Variants in AGO3 observed in about 807,000 individuals in gnomAD.
The protein encoded by AGO3 is argonaute RISC catalytic component 3, also known as protein argonaute-3.
Under a neutral mutation model 105.5 loss-of-function variants are expected in AGO3, and 16 were observed. That is an observed-to-expected ratio of 0.15 (90% confidence interval 0.10 to 0.23). AGO3 has a LOEUF of 0.23. Ranked by LOEUF, AGO3 falls within the 10% of genes least tolerant of loss-of-function variation. The pLI is 1.00. For synonymous variants in AGO3, 340 were observed against 367.3 expected, an observed-to-expected ratio of 0.93 and a Z score of 0.85; for missense variants, 534 against 1,088.0, an observed-to-expected ratio of 0.49 and a Z score of 7.16.
chr1:36,035,882 A>G, intron 13 of AGO3, among the ~76,000 whole-genome samples: 1 of 151,508 alleles, frequency 6.6e-6, no homozygotes, highest in East Asian at 1.9e-4. Flanking sequence ...AAATACAAAA[A>G]ATTAGCCGGG....
In AGO3 at chr1:36,064,812, G is replaced by A. The variant is rs1178942368; in HGVS notation, c.*9067G>A. On this transcript the variant is annotated 3_prime_UTR_variant, in exon 19 of 19. Transcript: ENST00000373191. ...GCCCCGCACACATCAAGTACTAATTGTATACAGATAGTACAGATTTGTACT... is the reference window on the plus strand; with the variant it reads ...GCCCCGCACACATCAAGTACTAATTATATACAGATAGTACAGATTTGTACT... The A allele has an allele frequency of 6.6e-6, 1 of 152,118 alleles. No individual in the cohort carries two copies. The highest frequency in any genetic ancestry group is 1.5e-5 in the Non-Finnish European group (1 of 68,034). 9.4% of individuals were successfully genotyped at this position (152,118 alleles called of 1,614,324 possible).
intron 11 of AGO3, among the ~76,000 whole-genome samples, chr1:36,025,980 G>A: frequency 6.6e-6 from 1 of 152,032 alleles, no homozygotes; most frequent in East Asian, 1.9e-4. Flanking sequence ...TGAGGCTGCA[G>A]GAGTGAGTTG....
Position 35,931,197 on chromosome 1 carries a change from C to T in AGO3, c.-230C>T, listed in dbSNP as rs1014794033. The T allele has an allele frequency of 6.7e-5, 27 of 402,492 alleles. No homozygotes were observed. Among genetic ancestry groups the T allele is most frequent in the Admixed American group, 1.8e-4 (4 of 22,682 alleles). The allele number at this position is 402,492 out of a possible 1,614,324, so 24.9% of individuals were successfully genotyped here. ...CTTCCGGACGGGACTCCCCTCTGTC[C>T]GCGCCTCACATCTCCCCTTCCTCTC... On this transcript the variant is annotated 5_prime_UTR_variant, in exon 1 of 19. Transcript: ENST00000373191.
chr1:35,995,981 G>T (rs1001617388), intron 5 of AGO3, among the ~76,000 whole-genome samples: 4 of 152,012 alleles, frequency 2.6e-5, no homozygotes, highest in Non-Finnish European at 5.9e-5. Flanking sequence ...ACCCGGCTAG[G>T]ATTTGTTAAT....
chr1:35,983,634 A>T (rs1030422717), intron 5 of AGO3, among the ~76,000 whole-genome samples: 6 of 152,030 alleles, frequency 3.9e-5, no homozygotes, highest in African/African-American at 1.4e-4. Flanking sequence ...CCTGGTCTGA[A>T]ATTTTCTGTG....
rs993897315 is a variant in AGO3, at chr1:36,060,750, A to T, written c.*5005A>T. ...CTTGCTACTTAAATTACCTTTTATT[A>T]GTTAGTCAAGCTGCAAAAATATCAT... On this transcript the variant is annotated 3_prime_UTR_variant, in exon 19 of 19. Transcript: ENST00000373191. The T allele has an allele frequency of 6.6e-6, 1 of 152,212 alleles. No homozygotes were observed. 9.4% of individuals were successfully genotyped at this position (152,212 alleles called of 1,614,324 possible). A position where few individuals can be genotyped will look rare whatever the true frequency, so the allele number is the denominator to read the frequency against.
At chr1:35,961,375 A>G (rs974968816) in intron 2 of AGO3, among the ~76,000 whole-genome samples, 13 of 152,154 alleles carry the variant, frequency 8.5e-5, no homozygotes, top group Admixed American at 3.9e-4. Flanking sequence ...AGTTCTAGCA[A>G]AGATGAACTC....
intron 14 of AGO3, among the ~76,000 whole-genome samples, chr1:36,036,484 T>C (rs186054158): frequency 4.0e-4 from 61 of 152,334 alleles, no homozygotes; most frequent in African/African-American, 1.4e-3. Context: ...ATCTTCTGTA[T>C]TATACTTTAA....
intron 5 of AGO3, among the ~76,000 whole-genome samples, chr1:36,001,495 T>C (rs1640082058): frequency 6.6e-6 from 1 of 152,176 alleles, no homozygotes; most frequent in South Asian, 2.1e-4. Context: ...GTATAGTGTT[T>C]CTAATGTTTT....
At chr1:36,020,647 G>A (rs917663627) in intron 11 of AGO3, among the ~76,000 whole-genome samples, 4 of 151,844 alleles carry the variant, frequency 2.6e-5, no homozygotes, top group Non-Finnish European at 5.9e-5. Flanking sequence ...ACGGAATCTC[G>A]CTCTGTCATC....
chr1:36,006,098 TA>T (rs1486393311), intron 6 of AGO3, among the ~76,000 whole-genome samples: 17 of 151,736 alleles, frequency 1.1e-4, no homozygotes, highest in African/African-American at 4.1e-4. Context: ...TCATTCCAAG[TA>T]AAATAGGGCT....
At chr1:35,982,294 C>A (rs936115914) in intron 5 of AGO3, among the ~76,000 whole-genome samples, 1 of 152,066 alleles carries the variant, frequency 6.6e-6, no homozygotes, top group Non-Finnish European at 1.5e-5. Flanking sequence ...TTCTAAATAA[C>A]CCCTTGTTTA....
chr1:36,028,492 G>A lies in AGO3; in HGVS notation c.1591+1194G>A, dbSNP rs548339656. ...TTCCCACCTATAAGTGAGAATATGC[G>A]GTGTTTGGTTTTTTGTTCTTGCGAT... is the stretch of plus-strand genomic sequence containing the variant. On this transcript the variant is annotated intron_variant, in intron 12 of 18. Transcript: ENST00000373191. Among the ~76,000 whole-genome samples, 133 of 146,518 alleles carry A rather than the reference G, an allele frequency of 9.1e-4. 1 individual carries two copies. Among genetic ancestry groups the A allele is most frequent in the African/African-American group, 3.2e-3 (125 of 39,536 alleles).
At chr1:36,004,587 C>A in intron 6 of AGO3, 112 bp downstream of exon 6, 2 of 920,454 alleles carry the variant, frequency 2.2e-6, no homozygotes, top group Non-Finnish European at 2.9e-6. Flanking sequence ...ACCAGTAAAA[C>A]TATACATCAA....
At chr1:35,971,203 A>G (rs1192728420) in intron 3 of AGO3, among the ~76,000 whole-genome samples, 1 of 149,058 alleles carries the variant, frequency 6.7e-6, no homozygotes, top group African/African-American at 2.5e-5. Flanking sequence ...TCTGTTGCCC[A>G]CGCTGGAGCA....
intron 17 of AGO3, among the ~76,000 whole-genome samples, chr1:36,045,763 G>T (rs2148855488): frequency 6.6e-6 from 1 of 152,170 alleles, no homozygotes; most frequent in South Asian, 2.1e-4. Flanking sequence ...GGATGGTCTT[G>T]AACTCCTGAC....
rs546473449 is a variant in AGO3 at position 35,936,679 on chromosome 1, G to A, written c.19+5234G>A. On this transcript the variant is annotated intron_variant, in intron 1 of 18. Transcript: ENST00000373191. ...TTATACATCATTTCCAAATTGTCAA[G>A]TTCTTGGGAAATCAGAACGTGGTAT... Among the ~76,000 whole-genome samples the A allele has an allele frequency of 7.2e-5, 11 of 152,248 alleles. No individual in the cohort carries two copies. The South Asian group carries it at 2.3e-3, about 32-fold the overall frequency.
chr1:36,070,066 A>AT lies in AGO3; in HGVS notation c.*14321_*14322insT, dbSNP rs1643141336. 6.6e-6 allele frequency: 1 copy of AT among 152,112 alleles called. No homozygotes were observed. The highest frequency in any genetic ancestry group is 1.5e-5 in the Non-Finnish European group (1 of 68,034). 9.4% of individuals were successfully genotyped at this position (152,112 alleles called of 1,614,324 possible). ...AGCGAAGCTCTGTCTCAATAAAAAA[A>AT]AAAATAATAATAATAAAATACAAAT... On this transcript the variant is annotated 3_prime_UTR_variant, in exon 19 of 19. Coordinates refer to ENST00000373191, the MANE Select transcript of AGO3 (RefSeq NM_024852.4).
chr1:35,937,611 AC>A (rs1646174145), intron 1 of AGO3, among the ~76,000 whole-genome samples: 1 of 152,046 alleles, frequency 6.6e-6, no homozygotes, highest in Non-Finnish European at 1.5e-5. Flanking sequence ...AATTGCTTGA[AC>A]CTGGGAGGCG....
Sources: allele counts gnomAD v4.1 joint callset (sites outside exome capture counted in the v4.1 genomes callset), GRCh38; gene constraint gnomAD v4.1.1; transcripts MANE v1.5; gene names NCBI Gene and HGNC (gene_info 2026-07-23, HGNC 2026-07-21).